PRRG1: variants seen among roughly 807,000 people sequenced by gnomAD.
The protein encoded by PRRG1 is proline rich and Gla domain 1, also known as transmembrane gamma-carboxyglutamic acid protein 1.
A neutral mutation model predicts 11.8 loss-of-function variants in PRRG1; 5 were observed. The ratio of observed to expected loss-of-function variants is 0.42; its 90% confidence interval spans 0.22 to 0.89. The LOEUF is 0.89. PRRG1 is among the 40% of genes least tolerant of loss of function. The probability of loss-of-function intolerance (pLI) is 0.28; values close to 1 mark genes in which losing one functional copy is unlikely to be tolerated. For synonymous variants in PRRG1, 66 were observed against 60.4 expected (o/e 1.09, Z -0.43); for missense variants, 155 against 166.1 (o/e 0.93, Z 0.37).
At chrX:37,436,276 A>G (rs1467789135) in intron 3 of PRRG1, among the ~76,000 whole-genome samples, 1 of 111,947 alleles carries the variant, frequency 8.9e-6, no homozygotes, top group Non-Finnish European at 1.9e-5. Context: ...AGTTGCTGCT[A>G]TATTTTAGAA....
In PRRG1 at chrX:37,381,023, C is replaced by A. The variant is rs1056126006; in HGVS notation, c.-41-25186C>A. On this transcript the variant is annotated intron_variant, in intron 1 of 3. Transcript: ENST00000378628. ...TTGCCCTTAATTCTTTAGAATGGAACAATAATCAGAATTATCTTGGCCCAT... is the reference window on the plus strand; with the variant it reads ...TTGCCCTTAATTCTTTAGAATGGAAAAATAATCAGAATTATCTTGGCCCAT... 6.3e-5 allele frequency among the ~76,000 whole-genome samples: 7 copies of A among 111,393 alleles called. No individual in the cohort carries two copies. The Admixed American group carries it at 6.7e-4, about 11-fold the overall frequency.
intron 1 of PRRG1, among the ~76,000 whole-genome samples, chrX:37,364,214 C>CT (rs1429806193): frequency 1.9e-4 from 21 of 110,017 alleles, no homozygotes; most frequent in Non-Finnish European, 2.1e-4. Flanking sequence ...AAAGTTTCTG[C>CT]TTTTTTTTGC....
chrX:37,349,431 G>A (rs1556364029), intron 1 of PRRG1, 36 bp downstream of exon 1: 1 of 112,658 alleles, frequency 8.9e-6, no homozygotes, highest in African/African-American at 3.2e-5. Context: ...CCTAGCTGGG[G>A]AAACGTGATC....
intron 1 of PRRG1, among the ~76,000 whole-genome samples, chrX:37,392,398 G>A (rs1320731101): frequency 1.8e-5 from 2 of 109,715 alleles, no homozygotes; most frequent in South Asian, 4.0e-4. Flanking sequence ...GCCAGGTGTG[G>A]TGGCTCACAC....
In PRRG1 at chrX:37,353,227, T is replaced by C. The variant is rs996643720; in HGVS notation, c.-42+3832T>C. Among the ~76,000 whole-genome samples, 3 of 107,808 alleles carry C rather than the reference T, an allele frequency of 2.8e-5. No homozygotes were observed. In the Admixed American group the frequency reaches 3.0e-4, roughly 11 times the overall value. The allele number at this position is 107,808 out of a possible 115,157, so 93.6% of individuals were successfully genotyped here. A position where few individuals can be genotyped will look rare whatever the true frequency, so the allele number is the denominator to read the frequency against. ...AGGTCTAGGCTAATGTGTATGTTTG[T>C]GTCTTAGTTTTTAATAAAAATGTTT... On this transcript the variant is annotated intron_variant, in intron 1 of 3. Coordinates refer to ENST00000378628, the MANE Select transcript of PRRG1 (RefSeq NM_001142395.2).
intron 1 of PRRG1, among the ~76,000 whole-genome samples, chrX:37,352,553 C>T (rs1385873920): frequency 9.0e-6 from 1 of 110,540 alleles, no homozygotes; most frequent in Non-Finnish European, 1.9e-5. Flanking sequence ...CTTAGACTTC[C>T]TTCTCATATT....
chrX:37,355,585 T>C (rs1188251742), intron 1 of PRRG1, among the ~76,000 whole-genome samples: 1 of 111,195 alleles, frequency 9.0e-6, no homozygotes. Context: ...ATTGATGGAA[T>C]ACAGTACTGG....
chrX:37,441,578 C>G (rs1684360720), intron 3 of PRRG1: 1 of 777,473 alleles, frequency 1.3e-6, no homozygotes, highest in Non-Finnish European at 1.5e-6. Flanking sequence ...AACTGCGAGG[C>G]CGCTGTCAAC....
intron 3 of PRRG1, 29 bp downstream of exon 3, chrX:37,426,029 A>G: frequency 8.8e-7 from 1 of 1,140,077 alleles, no homozygotes; most frequent in Non-Finnish European, 1.2e-6. Flanking sequence ...AAAAAGTTGC[A>G]CAGATTTGCC....
chrX:37,365,984 T>C (rs1167120269), intron 1 of PRRG1, among the ~76,000 whole-genome samples: 5 of 112,293 alleles, frequency 4.5e-5, no homozygotes, highest in Non-Finnish European at 9.4e-5. Context: ...AACTTTATGC[T>C]TACCCTACTC....
At chrX:37,357,442 A>G (rs1391374362) in intron 1 of PRRG1, among the ~76,000 whole-genome samples, 4 of 112,308 alleles carry the variant, frequency 3.6e-5, no homozygotes, top group Non-Finnish European at 7.5e-5. Flanking sequence ...ATGAGAATAT[A>G]GTAGTCCCCC....
chrX:37,431,938 T>TAC (rs2088595324), intron 3 of PRRG1, among the ~76,000 whole-genome samples: 1 of 108,447 alleles, frequency 9.2e-6, no homozygotes, highest in Admixed American at 1.0e-4. Flanking sequence ...CGGCTTTATA[T>TAC]ACATATATAT....
In PRRG1 at chrX:37,378,908, A is replaced by T. The variant is rs150601503; in HGVS notation, c.-41-27301A>T. Among the ~76,000 whole-genome samples the T allele has an allele frequency of 3.7e-3, 404 of 109,987 alleles. 2 individuals are homozygous for T. The highest frequency in any genetic ancestry group is 0.013 in the African/African-American group (381 of 30,345). ...TGAAAATCATTAGACTGTCAGCAGC[A>T]TGAGGGCAGGTTTTATGTCATTTTG... On this transcript the variant is annotated intron_variant, in intron 1 of 3. Coordinates refer to ENST00000378628, the MANE Select transcript of PRRG1 (RefSeq NM_001142395.2).
At chrX:37,416,335 G>A (rs1556385177) in intron 2 of PRRG1, among the ~76,000 whole-genome samples, 3 of 112,174 alleles carry the variant, frequency 2.7e-5, no homozygotes, top group African/African-American at 9.7e-5. Flanking sequence ...GAGTTGTAAA[G>A]CAATCATTGC....
At chrX:37,356,220 A>C (rs1033250551) in intron 1 of PRRG1, among the ~76,000 whole-genome samples, 1 of 112,079 alleles carries the variant, frequency 8.9e-6, no homozygotes, top group Non-Finnish European at 1.9e-5. Context: ...ATGGTGCTGC[A>C]TTCTTTGGAG....
intron 1 of PRRG1, among the ~76,000 whole-genome samples, chrX:37,389,704 G>A (rs1556376115): frequency 8.9e-6 from 1 of 111,983 alleles, no homozygotes; most frequent in East Asian, 2.8e-4. Context: ...CCTCCCACCA[G>A]ACCTCACCTT....
At chrX:37,373,313 T>A (rs1930829213) in intron 1 of PRRG1, among the ~76,000 whole-genome samples, 1 of 112,172 alleles carries the variant, frequency 8.9e-6, no homozygotes, top group Non-Finnish European at 1.9e-5. Flanking sequence ...TAGGATCATT[T>A]TCTCTATTTC....
intron 1 of PRRG1, among the ~76,000 whole-genome samples, chrX:37,367,447 G>A (rs1343974135): frequency 1.8e-5 from 2 of 111,894 alleles, no homozygotes; most frequent in Non-Finnish European, 3.8e-5. Context: ...AAATTTGAGA[G>A]GAAAATGTTA....
intron 3 of PRRG1, among the ~76,000 whole-genome samples, chrX:37,438,680 A>G (rs1360271081): frequency 1.8e-5 from 2 of 110,660 alleles, no homozygotes; most frequent in Non-Finnish European, 3.8e-5. Flanking sequence ...CAGGTGACCC[A>G]CCCACTGCGG....
Sources: gnomAD v4.1 joint callset for allele counts (sites outside exome capture counted in the v4.1 genomes callset) on GRCh38, gnomAD v4.1.1 for gene constraint, MANE v1.5 for transcripts, NCBI Gene and HGNC (gene_info 2026-07-23, HGNC 2026-07-21) for gene names.